The following SEM1 variants were observed in gnomAD, a reference collection of about 807,000 sequenced individuals.
SEM1 encodes the protein 26S proteasome complex subunit SEM1.
SEM1 carries 3 observed loss-of-function variants against 12.7 expected under a neutral mutation model. That is an observed-to-expected ratio of 0.24 (90% confidence interval 0.11 to 0.61). The LOEUF (loss-of-function observed/expected upper bound fraction) is 0.61, where lower values mean the gene tolerates loss of function less well. Ranked by LOEUF, SEM1 falls within the 20% of genes least tolerant of loss-of-function variation. SEM1 has a pLI of 0.88. For synonymous variants in SEM1, 30 were observed against 27.8 expected, an observed-to-expected ratio of 1.08 and a Z score of -0.25; for missense variants, 59 against 81.3, an observed-to-expected ratio of 0.73 and a Z score of 1.06.
At position 96,709,820 on chromosome 7, in the gene SEM1, C is replaced by G; in HGVS notation, c.-57G>C. 1.3e-6 allele frequency: 2 copies of G among 1,555,656 alleles called. No individual in the cohort carries two copies. Among genetic ancestry groups the G allele is most frequent in the Non-Finnish European group, 1.8e-6 (2 of 1,128,706 alleles). ...AAGCAGAAAAGTTGGAACCCTCACT[C>G]TTCCTCAAGGAAACGCCACCGTCAC... On this transcript the variant is annotated 5_prime_UTR_variant, in exon 1 of 3. Coordinates refer to ENST00000248566, the MANE Select transcript of SEM1 (RefSeq NM_006304.2).
chr7:96,561,008 C>T (rs947424986), intron 2 of SEM1, among the ~76,000 whole-genome samples: 5 of 152,158 alleles, frequency 3.3e-5, no homozygotes, highest in Admixed American at 2.0e-4. Flanking sequence ...CCTCAAACTT[C>T]TGGGCTCAAG....
chr7:96,534,607 G>A (rs1277760051), intron 2 of SEM1, among the ~76,000 whole-genome samples: 1 of 152,024 alleles, frequency 6.6e-6, no homozygotes, highest in Non-Finnish European at 1.5e-5. Context: ...TGGAGTTTTG[G>A]TGTAGTATCA....
At chr7:96,623,614 A>G (rs1029056976) in intron 2 of SEM1, among the ~76,000 whole-genome samples, 4 of 149,402 alleles carry the variant, frequency 2.7e-5, no homozygotes, top group Non-Finnish European at 5.9e-5. Context: ...ATATAAATAT[A>G]TATGGAATTC....
At chr7:96,706,624 C>T (rs183476347) in intron 1 of SEM1, among the ~76,000 whole-genome samples, 77 of 149,880 alleles carry the variant, frequency 5.1e-4, no homozygotes, top group African/African-American at 1.9e-3. Flanking sequence ...TAAAAATTCC[C>T]TTTCCTTAAA....
intron 3 of SEM1, among the ~76,000 whole-genome samples, chr7:96,501,714 GTGAA>G (rs1803559988): frequency 6.6e-6 from 1 of 152,108 alleles, no homozygotes; most frequent in South Asian, 2.1e-4. Context: ...AGTGCTTTAT[GTGAA>G]TTATTATTAT....
At chr7:96,709,569 G>T in intron 1 of SEM1, 119 bp downstream of exon 1, 1 of 901,716 alleles carries the variant, frequency 1.1e-6, no homozygotes, top group East Asian at 2.4e-5. Flanking sequence ...TCGAGTGCCG[G>T]CCCTGGGAGT....
chr7:96,686,032 T>G (rs902163208), downstream of SEM1, among the ~76,000 whole-genome samples: 1 of 152,108 alleles, frequency 6.6e-6, no homozygotes, highest in African/African-American at 2.4e-5. Context: ...ATTCTAGCTC[T>G]GTATATGCCA....
At chr7:96,638,722 G>T (rs1174030240) in intron 2 of SEM1, among the ~76,000 whole-genome samples, 3 of 151,736 alleles carry the variant, frequency 2.0e-5, no homozygotes, top group Non-Finnish European at 4.4e-5. Context: ...CCTAGTGTAA[G>T]CACTTTCTTT....
At chr7:96,655,100 C>T (rs1161070605) in intron 2 of SEM1, among the ~76,000 whole-genome samples, 1 of 152,170 alleles carries the variant, frequency 6.6e-6, no homozygotes, top group African/African-American at 2.4e-5. Flanking sequence ...GGCCAGCCAG[C>T]AGGGGGTTAA....
intron 2 of SEM1, among the ~76,000 whole-genome samples, chr7:96,665,476 T>G (rs1189803483): frequency 6.6e-6 from 1 of 152,206 alleles, no homozygotes; most frequent in Non-Finnish European, 1.5e-5. Context: ...ACTCTAAACT[T>G]CTGAGAGAGT....
At chr7:96,504,918 G>A (rs930159822) in intron 3 of SEM1, among the ~76,000 whole-genome samples, 1 of 151,554 alleles carries the variant, frequency 6.6e-6, no homozygotes, top group South Asian at 2.1e-4. Flanking sequence ...CCTTGAGTTG[G>A]GGTTTTGCTG....
At chr7:96,663,811 A>G (rs541199200) in intron 2 of SEM1, among the ~76,000 whole-genome samples, 13 of 152,340 alleles carry the variant, frequency 8.5e-5, no homozygotes, top group South Asian at 2.1e-4. Flanking sequence ...AAAAAATATA[A>G]AAGTCAAACA....
intron 2 of SEM1, among the ~76,000 whole-genome samples, chr7:96,601,680 T>A (rs182218749): frequency 7.0e-4 from 106 of 152,268 alleles, no homozygotes; most frequent in African/African-American, 2.5e-3. Context: ...TCACTGAGAT[T>A]GGGAACACTG....
At chr7:96,691,953 G>GAA (rs1021163411) in intron 2 of SEM1, among the ~76,000 whole-genome samples, 1 of 151,990 alleles carries the variant, frequency 6.6e-6, no homozygotes, top group African/African-American at 2.4e-5. Context: ...GAAATAAAAA[G>GAA]AAAAATCTTA....
At chr7:96,568,087 G>A (rs536586094) in intron 2 of SEM1, among the ~76,000 whole-genome samples, 3 of 151,730 alleles carry the variant, frequency 2.0e-5, no homozygotes, top group South Asian at 2.1e-4. Flanking sequence ...TGAACATTGC[G>A]TTGACATTTT....
At chr7:96,695,058 C>T in intron 1 of SEM1, 167 bp from the exon 2 acceptor site, 1 of 432,028 alleles carries the variant, frequency 2.3e-6, no homozygotes, top group South Asian at 6.9e-5. Flanking sequence ...GTCTAGTTCT[C>T]TCAATTCTTG....
At chr7:96,496,375 A>G (rs111383224), upstream of SEM1, 55 of 1,123,078 alleles carry the variant, frequency 4.9e-5, 1 homozygote, top group African/African-American at 6.9e-4. Flanking sequence ...CAAATGTAAT[A>G]TAAAAGAGTG....
At chr7:96,484,936 A>G in intron 2 of SEM1, 4 of 816,432 alleles carry the variant, frequency 4.9e-6, no homozygotes, top group Non-Finnish European at 7.1e-6. Context: ...TGGGAACACC[A>G]TATCCTACAG....
downstream of SEM1, among the ~76,000 whole-genome samples, chr7:96,686,879 A>C (rs1471754606): frequency 6.6e-6 from 1 of 152,228 alleles, no homozygotes; most frequent in Non-Finnish European, 1.5e-5. Context: ...AAATTTTTGC[A>C]ACCTACTCAT....
Sources: gnomAD v4.1 joint callset for allele counts (sites outside exome capture counted in the v4.1 genomes callset) on GRCh38, gnomAD v4.1.1 for gene constraint, MANE v1.5 for transcripts, NCBI Gene and HGNC (gene_info 2026-07-23, HGNC 2026-07-21) for gene names.